Variants in TBCD observed in about 807,000 individuals in gnomAD.
TBCD encodes the protein tubulin folding cofactor D, also known as tubulin-specific chaperone D.
Under a neutral mutation model 169.3 loss-of-function variants are expected in TBCD, and 105 were observed. The observed-to-expected ratio is 0.62, with a 90% CI of 0.53 to 0.73. The LOEUF (loss-of-function observed/expected upper bound fraction) is 0.73. TBCD is among the 30% of genes least tolerant of loss of function. TBCD has a pLI of 0.00. For missense variants in TBCD, 1,444 were observed against 1,600.1 expected (o/e 0.90, Z 1.66); for synonymous variants, 700 against 643.9 (o/e 1.09, Z -1.32).
chr17:82,942,293 T>C, intron 38 of TBCD, 156 bp from the exon 39 acceptor site: 2 of 1,043,304 alleles, frequency 1.9e-6, no homozygotes, highest in Non-Finnish European at 2.8e-6. Context: ...GTCAGCCACA[T>C]AGCTCAGGCT....
At chr17:82,781,826 C>A (rs554625758) in intron 7 of TBCD, 105 bp downstream of exon 7, 12 of 1,516,706 alleles carry the variant, frequency 7.9e-6, no homozygotes, top group South Asian at 4.9e-5. Context: ...TAATTGGAAC[C>A]CCGTGGGATT....
chr17:82,768,503 C>A lies in TBCD; in HGVS notation c.519C>A (p.Asn173Lys). ...IPFDFSRLDG[N>K]LLTQPGQARM... is the part of the protein sequence containing the mutation. ...TTGATTTTTCTCGCCTTGACGGGAA[C>A]CTCCTCACCCAGCCTGGGCAAGCAC... The change falls in exon 5 of 39, where the codon AAC becomes AAA. Residue 173 changes from asparagine (N) to lysine (K), a missense_variant. By Grantham distance (94) the Asn-to-Lys change is moderately conservative. Transcript: ENST00000355528. The A allele has an allele frequency of 6.2e-7, 1 of 1,614,012 alleles. No homozygotes were observed. The highest frequency in any genetic ancestry group is 1.1e-5 in the South Asian group (1 of 91,084).
intron 2 of TBCD, among the ~76,000 whole-genome samples, chr17:82,763,228 C>T (rs2047857356): frequency 6.6e-6 from 1 of 152,128 alleles, no homozygotes; most frequent in Admixed American, 6.6e-5. Flanking sequence ...GGTGTGTATA[C>T]TTACAGAATT....
chr17:82,797,741 T>C lies in TBCD; in HGVS notation c.772-16T>C. 2.7e-6 allele frequency: 3 copies of C among 1,121,246 alleles called. No individual in the cohort carries two copies. The highest frequency in any genetic ancestry group is 3.5e-6 in the Non-Finnish European group (3 of 852,406). The allele number at this position is 1,121,246 out of a possible 1,614,324, so 69.5% of individuals were successfully genotyped here. ...TTTGTATTTGTAACATTAAAAATCT[T>C]TTTTTTTTTTTTTAGGCACAAATAT... On this transcript the variant is annotated splice_polypyrimidine_tract_variant and intron_variant, in intron 7 of 38. Coordinates refer to ENST00000355528, the MANE Select transcript of TBCD (RefSeq NM_005993.5).
Position 82,889,225 on chromosome 17 carries a change from G to T in TBCD, c.1534-443G>T, listed in dbSNP as rs760048279. Among the ~76,000 whole-genome samples, 6 of 152,194 alleles carry T rather than the reference G, an allele frequency of 3.9e-5. No homozygotes were observed. Among genetic ancestry groups the T allele is most frequent in the Non-Finnish European group, 7.3e-5 (5 of 68,028 alleles). On this transcript the variant is annotated intron_variant, in intron 15 of 38. Coordinates refer to ENST00000355528, the MANE Select transcript of TBCD (RefSeq NM_005993.5). This position sits in a 1 kb window ranked among gnomAD's most constrained non-coding sequence, Gnocchi z 5.3. ...GCCCGGCCCTGGGACTCGGCCTGGA[G>T]AGCCTATTGACACCGTGCCATGGGT...
intron 33 of TBCD, chr17:82,932,272 C>A: frequency 2.7e-6 from 1 of 367,230 alleles, no homozygotes; most frequent in Non-Finnish European, 5.1e-6. Flanking sequence ...GGTATAGCGT[C>A]GGCACAGGCA....
intron 13 of TBCD, chr17:82,830,916 TAGAAA>T (rs1260418155): frequency 6.2e-7 from 1 of 1,613,068 alleles, no homozygotes. Context: ...GGAGCTTGCT[TAGAAA>T]AGCAACTGCG....
intron 13 of TBCD, among the ~76,000 whole-genome samples, chr17:82,867,218 G>A (rs923046741): frequency 6.6e-6 from 1 of 152,214 alleles, no homozygotes; most frequent in African/African-American, 2.4e-5. Context: ...GCTTCTCACA[G>A]GGCTGCCAAG....
At chr17:82,843,301 C>T (rs908101168) in intron 13 of TBCD, among the ~76,000 whole-genome samples, 3 of 132,600 alleles carry the variant, frequency 2.3e-5, no homozygotes, top group Admixed American at 7.9e-5. Context: ...GTCCAGCTTA[C>T]TTACCCTTCC....
At chr17:82,816,110 T>C (rs1230359580) in intron 13 of TBCD, among the ~76,000 whole-genome samples, 1 of 152,216 alleles carries the variant, frequency 6.6e-6, no homozygotes, top group African/African-American at 2.4e-5. Flanking sequence ...AGTGTCTCTG[T>C]GAATTTGTCT....
chr17:82,804,736 G>C (rs1375018519), intron 9 of TBCD, among the ~76,000 whole-genome samples: 1 of 152,216 alleles, frequency 6.6e-6, no homozygotes, highest in East Asian at 1.9e-4. Flanking sequence ...GCTCTCACCA[G>C]ACTCTGCGTA....
intron 13 of TBCD, among the ~76,000 whole-genome samples, chr17:82,868,367 G>C (rs914792242): frequency 6.6e-6 from 1 of 152,174 alleles, no homozygotes; most frequent in Non-Finnish European, 1.5e-5. Context: ...CTTGGTGTCT[G>C]GCAGGGACCC....
Position 82,889,750 on chromosome 17 carries a change from G to A in TBCD, c.1563+53G>A. 1 of 1,605,240 alleles carries A rather than the reference G, an allele frequency of 6.2e-7. No individual in the cohort carries two copies. Among genetic ancestry groups the A allele is most frequent in the African/African-American group, 1.3e-5 (1 of 74,648 alleles). On this transcript the variant is annotated intron_variant, in intron 16 of 38. Coordinates refer to ENST00000355528, the MANE Select transcript of TBCD (RefSeq NM_005993.5). The surrounding 1 kb of genome is among the most constrained non-coding windows in gnomAD (Gnocchi z 5.3). ...CCAAAAACTTCCTGCGGGTTTATAGGTAGGAATCTTGAGAGCTATAACCCT... is the reference window on the plus strand; with the variant it reads ...CCAAAAACTTCCTGCGGGTTTATAGATAGGAATCTTGAGAGCTATAACCCT...
At chr17:82,939,604 C>T (rs1298675921) in intron 37 of TBCD, 128 bp downstream of exon 37, 2 of 746,210 alleles carry the variant, frequency 2.7e-6, no homozygotes, top group Non-Finnish European at 4.5e-6. Context: ...CAGGTCTCCA[C>T]ATCCTCTGCT....
At chr17:82,883,808 C>T (rs377113054) in intron 14 of TBCD, among the ~76,000 whole-genome samples, 1 of 152,218 alleles carries the variant, frequency 6.6e-6, no homozygotes, top group Non-Finnish European at 1.5e-5. Flanking sequence ...TGGACCTCCC[C>T]ACCTCCTGCG....
chr17:82,876,290 A>G (rs1654373573), intron 14 of TBCD, among the ~76,000 whole-genome samples: 1 of 152,176 alleles, frequency 6.6e-6, no homozygotes, highest in South Asian at 2.1e-4. Flanking sequence ...AGTATCACAT[A>G]AACTTCTCCA....
chr17:82,864,715 G>A lies in TBCD; in HGVS notation c.1319-5509G>A, dbSNP rs1043797342. On this transcript the variant is annotated intron_variant, in intron 13 of 38. Transcript: ENST00000355528. The surrounding 1 kb of genome is among the most constrained non-coding windows in gnomAD (Gnocchi z 6.3). ...TTGGGGCTTGGTGCGTGATCCCACC[G>A]AGGCCGGGGTTGTGCTTGGGGCACT... 3.9e-5 allele frequency among the ~76,000 whole-genome samples: 6 copies of A among 152,166 alleles called. No individual in the cohort carries two copies. Among genetic ancestry groups the A allele is most frequent in the South Asian group, 2.1e-4 (1 of 4,832 alleles).
At chr17:82,769,398 C>T (rs935261358) in intron 5 of TBCD, among the ~76,000 whole-genome samples, 3 of 152,154 alleles carry the variant, frequency 2.0e-5, no homozygotes, top group Non-Finnish European at 2.9e-5. Context: ...AGCAAGTCAC[C>T]GAGTCCAGCC....
intron 23 of TBCD, among the ~76,000 whole-genome samples, chr17:82,917,620 G>T (rs371876845): frequency 8.7e-4 from 132 of 152,352 alleles, no homozygotes; most frequent in Middle Eastern, 6.8e-3. Flanking sequence ...CTCTTGACGG[G>T]AGGCGGGTGC....
Sources: gnomAD v4.1 joint callset for allele counts (sites outside exome capture counted in the v4.1 genomes callset) on GRCh38, gnomAD v4.1.1 for gene constraint, Gnocchi (gnomAD v3.1) non-coding constraint, MANE v1.5 for transcripts, NCBI Gene and HGNC (gene_info 2026-07-23, HGNC 2026-07-21) for gene names.